Variants in SMCO4 observed in about 807,000 individuals in gnomAD.
The protein encoded by SMCO4 is single-pass membrane and coiled-coil domain-containing protein 4.
A neutral mutation model predicts 3.6 loss-of-function variants in SMCO4; 4 were observed. The ratio of observed to expected loss-of-function variants is 1.11; its 90% CI spans 0.54 to 2.53. The LOEUF is 2.53. Among genes scored for constraint, SMCO4 ranks in the 30% most tolerant of loss-of-function variants. The pLI, the probability that SMCO4 is intolerant of heterozygous loss-of-function variation, is 0.02. For missense variants in SMCO4, 70 were observed against 80.8 expected, an observed-to-expected ratio of 0.87 and a Z score of 0.51; for synonymous variants, 36 against 35.3, an observed-to-expected ratio of 1.02 and a Z score of -0.07.
intron 2 of SMCO4, among the ~76,000 whole-genome samples, chr11:93,485,692 C>A (rs980846900): frequency 1.3e-5 from 2 of 152,224 alleles, no homozygotes; most frequent in East Asian, 3.8e-4. Flanking sequence ...AGGTGCTCAA[C>A]AAACATCTGC....
intron 1 of SMCO4, among the ~76,000 whole-genome samples, chr11:93,522,006 A>G (rs1658097030): frequency 6.6e-6 from 1 of 152,230 alleles, no homozygotes; most frequent in Admixed American, 6.5e-5. Context: ...TTAAAAATGT[A>G]TCAACCCACT....
intron 1 of SMCO4, among the ~76,000 whole-genome samples, chr11:93,531,284 C>G (rs1450864364): frequency 1.3e-5 from 2 of 152,168 alleles, no homozygotes; most frequent in African/African-American, 4.8e-5. Context: ...TTTGGACTGA[C>G]CTGAACTGAG....
At chr11:93,505,672 A>G (rs904001942) in intron 1 of SMCO4, among the ~76,000 whole-genome samples, 1 of 152,226 alleles carries the variant, frequency 6.6e-6, no homozygotes, top group Non-Finnish European at 1.5e-5. Context: ...ACCTTATACA[A>G]CAAAGGATCT....
At chr11:93,499,056 C>T (rs143324822) in intron 2 of SMCO4, among the ~76,000 whole-genome samples, 12 of 152,164 alleles carry the variant, frequency 7.9e-5, no homozygotes, top group African/African-American at 2.2e-4. Flanking sequence ...GAGAAAGTGT[C>T]GTGGGGGTTC....
chr11:93,528,539 C>T (rs1007934057), intron 1 of SMCO4, among the ~76,000 whole-genome samples: 1 of 152,202 alleles, frequency 6.6e-6, no homozygotes. Flanking sequence ...ATGTTGAGTT[C>T]TGGGGAAGCC....
At chr11:93,526,797 T>G (rs2134626785) in intron 1 of SMCO4, among the ~76,000 whole-genome samples, 1 of 152,160 alleles carries the variant, frequency 6.6e-6, no homozygotes, top group Non-Finnish European at 1.5e-5. Flanking sequence ...TTTTTATCAC[T>G]CACTGAGAAA....
intron 1 of SMCO4, among the ~76,000 whole-genome samples, chr11:93,528,438 ACCTGCTCGT>A (rs1949132158): frequency 6.6e-6 from 1 of 152,202 alleles, no homozygotes; most frequent in Admixed American, 6.5e-5. Context: ...ATCCTCCACC[ACCTGCTCGT>A]CTCTGCCTCC....
At chr11:93,550,902 C>T in the SMCO4 span, among the ~76,000 whole-genome samples, 18 of 152,272 alleles carry the variant, frequency 1.2e-4, 1 homozygote, top group South Asian at 3.7e-3. Flanking sequence ...ACTCATATAC[C>T]AGCTGTACCT....
chr11:93,520,187 A>C (rs1305157587), intron 1 of SMCO4, among the ~76,000 whole-genome samples: 1 of 152,294 alleles, frequency 6.6e-6, no homozygotes, highest in South Asian at 2.1e-4. Context: ...AGAGAAAAGA[A>C]TCCTGAAGTT....
At chr11:93,518,398 G>A (rs575873420) in intron 1 of SMCO4, among the ~76,000 whole-genome samples, 8 of 152,262 alleles carry the variant, frequency 5.3e-5, no homozygotes, top group African/African-American at 1.9e-4. Flanking sequence ...TTTGACTGTC[G>A]CTAATAGTGC....
intron 1 of SMCO4, among the ~76,000 whole-genome samples, chr11:93,510,167 T>C (rs2605617): frequency 0.78 from 119,168 of 152,076 alleles, 47,098 homozygotes; most frequent in African/African-American, 0.85. Context: ...ACAGGTCTGG[T>C]GAAGGGCAGA....
chr11:93,540,983 C>T (rs1411705613), intron 1 of SMCO4, among the ~76,000 whole-genome samples: 4 of 152,076 alleles, frequency 2.6e-5, no homozygotes, highest in African/African-American at 9.7e-5. Context: ...CTGCAGCTTC[C>T]AAAAAGCTGA....
chr11:93,543,223 CCCGCCGGCTCG>C (rs1949287354), intron 1 of SMCO4, 42 bp downstream of exon 1: 1 of 143,362 alleles, frequency 7.0e-6, no homozygotes, highest in Non-Finnish European at 1.6e-5. Flanking sequence ...CCCGCGCCCG[CCCGCCGGCTCG>C]CCCGCCCCGC....
At chr11:93,540,107 T>A (rs574781933) in intron 1 of SMCO4, among the ~76,000 whole-genome samples, 5 of 152,282 alleles carry the variant, frequency 3.3e-5, no homozygotes, top group Non-Finnish European at 5.9e-5. Flanking sequence ...GGAATATTCA[T>A]TGCGCGTGCT....
chr11:93,495,154 A>G (rs1221316749), intron 2 of SMCO4, among the ~76,000 whole-genome samples: 2 of 152,074 alleles, frequency 1.3e-5, no homozygotes, highest in Non-Finnish European at 2.9e-5. Flanking sequence ...ACCCATCTCA[A>G]GGGTCACATG....
chr11:93,481,801 C>G (rs1467601127), intron 2 of SMCO4, among the ~76,000 whole-genome samples: 1 of 152,236 alleles, frequency 6.6e-6, no homozygotes, highest in Non-Finnish European at 1.5e-5. Flanking sequence ...CCTTGTGGAG[C>G]TAATGGCCTG....
intron 1 of SMCO4, among the ~76,000 whole-genome samples, chr11:93,508,531 G>C (rs1472981529): frequency 5.3e-5 from 8 of 152,150 alleles, no homozygotes; most frequent in Non-Finnish European, 1.2e-4. Context: ...AAGAAAAGCA[G>C]GGTCTTGCCA....
chr11:93,544,636 C>CT (rs1013130481), upstream of SMCO4, among the ~76,000 whole-genome samples: 85 of 151,076 alleles, frequency 5.6e-4, no homozygotes, highest in South Asian at 2.1e-3. Context: ...CAACTTAAGG[C>CT]TTTTTTTTTC....
chr11:93,530,915 C>T (rs992527477), intron 1 of SMCO4, among the ~76,000 whole-genome samples: 2 of 152,194 alleles, frequency 1.3e-5, no homozygotes, highest in African/African-American at 4.8e-5. Flanking sequence ...CTGGACAGAA[C>T]AGAGTCCCAA....
Sources: allele counts gnomAD v4.1 joint callset (sites outside exome capture counted in the v4.1 genomes callset), GRCh38; gene constraint gnomAD v4.1.1; transcripts MANE v1.5; gene names NCBI Gene and HGNC (gene_info 2026-07-23, HGNC 2026-07-21).